The following CLDN10 variants were observed in gnomAD, a reference collection of about 807,000 sequenced individuals.
The protein encoded by CLDN10 is claudin-10.
CLDN10 carries 15 observed loss-of-function variants against 22.9 expected under a neutral mutation model. That is an observed-to-expected ratio of 0.65 (90% CI 0.44 to 1.01). CLDN10 has a LOEUF of 1.01. Ranked by LOEUF, CLDN10 falls within the 50% of genes least tolerant of loss-of-function variation. The pLI is 0.00. For synonymous variants in CLDN10, 114 were observed against 111.4 expected, an observed-to-expected ratio of 1.02 and a Z score of -0.15; for missense variants, 247 against 287.8, an observed-to-expected ratio of 0.86 and a Z score of 1.03.
chr13:95,481,059 C>T (rs919642777), intron 1 of CLDN10, among the ~76,000 whole-genome samples: 4 of 152,150 alleles, frequency 2.6e-5, no homozygotes, highest in African/African-American at 9.7e-5. Flanking sequence ...CACAGGCACT[C>T]TCCGTCCACC....
intron 1 of CLDN10, among the ~76,000 whole-genome samples, chr13:95,522,044 G>A (rs183614995): frequency 6.6e-6 from 1 of 151,758 alleles, no homozygotes; most frequent in African/African-American, 2.4e-5. Context: ...TGTTTGTGCT[G>A]CTTCTTTTCT....
At chr13:95,535,108 G>A (rs894349786) in intron 1 of CLDN10, among the ~76,000 whole-genome samples, 1 of 152,128 alleles carries the variant, frequency 6.6e-6, no homozygotes, top group Non-Finnish European at 1.5e-5. Flanking sequence ...TGCTTGCTAT[G>A]ATCCAGCAGA....
chr13:95,577,263 G>A lies in CLDN10; in HGVS notation c.497G>A (p.Trp166Ter), dbSNP rs1261101085. The A allele has an allele frequency of 1.9e-6, 3 of 1,613,908 alleles. No homozygotes were observed. Among genetic ancestry groups the A allele is most frequent in the Non-Finnish European group, 2.5e-6 (3 of 1,179,918 alleles). ...TTAGGAGCCGCTCTGTTTATTGGAT[G>A]GGCAGGAGCCTCACTGTGCATAATT... Reference protein sequence around the residue: ...YELGAALFIGWAGASLCIIGG... With the variant: ...YELGAALFIG The change falls in exon 4 of 5, where the codon TGG (tryptophan) becomes TAG (stop). Residue 166 changes from tryptophan to a stop codon, truncating the protein, a stop_gained. Coordinates refer to ENST00000299339, the MANE Select transcript of CLDN10 (RefSeq NM_006984.5). LOFTEE classifies it high-confidence loss of function.
chr13:95,477,716 T>C (rs541304492), intron 1 of CLDN10, among the ~76,000 whole-genome samples: 2 of 152,270 alleles, frequency 1.3e-5, no homozygotes, highest in South Asian at 4.1e-4. Context: ...CAGCAGCACC[T>C]GGGACTTAGA....
intron 1 of CLDN10, among the ~76,000 whole-genome samples, chr13:95,519,476 T>A (rs559077378): frequency 2.7e-4 from 41 of 152,230 alleles, no homozygotes; most frequent in Non-Finnish European, 4.6e-4. Flanking sequence ...TACAGTTAGC[T>A]AGAAGTTATA....
intron 1 of CLDN10, among the ~76,000 whole-genome samples, chr13:95,440,873 G>A (rs2042317945): frequency 6.6e-6 from 1 of 152,238 alleles, no homozygotes; most frequent in South Asian, 2.1e-4. Context: ...GATGGCGCTG[G>A]AGCGGTCAGA....
At chr13:95,444,052 T>C (rs1387458743) in intron 1 of CLDN10, among the ~76,000 whole-genome samples, 1 of 152,206 alleles carries the variant, frequency 6.6e-6, no homozygotes, top group Non-Finnish European at 1.5e-5. Context: ...GGTGAACATG[T>C]AGTGTAGAAA....
intron 1 of CLDN10, among the ~76,000 whole-genome samples, chr13:95,454,363 C>T (rs961025854): frequency 1.2e-4 from 19 of 152,064 alleles, no homozygotes; most frequent in African/African-American, 4.1e-4. Flanking sequence ...ATCACTTGAA[C>T]CTGGGAGGTG....
Position 95,560,712 on chromosome 13 carries a change from TTCA to T in CLDN10, c.464+252_464+254del, listed in dbSNP as rs141876655. 3.3e-3 allele frequency: 1,562 copies of T among 473,144 alleles called. 22 individuals are homozygous for T. Among genetic ancestry groups the T allele is most frequent in the African/African-American group, 0.028 (1,400 of 50,830 alleles). The allele number at this position is 473,144 out of a possible 1,614,324, so 29.3% of individuals were successfully genotyped here. On this transcript the variant is annotated intron_variant, in intron 3 of 4. Coordinates refer to ENST00000299339, the MANE Select transcript of CLDN10 (RefSeq NM_006984.5). ...AGGCATCAAATTTAGAACTATAAAC[TTCA>T]TCGTTTGCTGTACATCATGAAACTG...
chr13:95,541,804 ACAAACAATAACACTCC>A (rs750799573), intron 1 of CLDN10, among the ~76,000 whole-genome samples: 4 of 152,212 alleles, frequency 2.6e-5, no homozygotes, highest in Non-Finnish European at 4.4e-5. Flanking sequence ...ATGATTAAGA[ACAAACAATAACACTCC>A]CAAGGCTGAA....
chr13:95,454,290 A>C (rs766587930), intron 1 of CLDN10, among the ~76,000 whole-genome samples: 7 of 152,032 alleles, frequency 4.6e-5, no homozygotes, highest in Non-Finnish European at 8.8e-5. Flanking sequence ...AAAATACAAA[A>C]AGTAGCCAGG....
intron 1 of CLDN10, 44 bp from the exon 2 acceptor site, chr13:95,560,088 A>T: frequency 2.0e-6 from 3 of 1,534,482 alleles, no homozygotes; most frequent in Non-Finnish European, 2.7e-6. Flanking sequence ...CTCCCTGGAC[A>T]GCCACATGCT....
chr13:95,553,982 T>C (rs1176690115), intron 1 of CLDN10, among the ~76,000 whole-genome samples: 1 of 152,230 alleles, frequency 6.6e-6, no homozygotes, highest in Non-Finnish European at 1.5e-5. Context: ...AGGTGTTTTT[T>C]TCTTTTATTA....
chr13:95,438,626 C>T (rs1410005736), intron 1 of CLDN10, among the ~76,000 whole-genome samples: 3 of 152,206 alleles, frequency 2.0e-5, no homozygotes, highest in Admixed American at 1.3e-4. Context: ...GCCTTCTCTC[C>T]TCACTTTCCA....
chr13:95,575,555 G>C (rs2043913040), intron 3 of CLDN10, among the ~76,000 whole-genome samples: 1 of 151,996 alleles, frequency 6.6e-6, no homozygotes, highest in Non-Finnish European at 1.5e-5. Context: ...GATTTAGCCA[G>C]CTCTTTTTTC....
intron 1 of CLDN10, among the ~76,000 whole-genome samples, chr13:95,434,655 A>T (rs1374239789): frequency 4.0e-5 from 6 of 148,730 alleles, no homozygotes; most frequent in Non-Finnish European, 8.8e-5. Context: ...TAACACACAT[A>T]TATATGTAAT....
Position 95,466,876 on chromosome 13 carries a change from C to CTT in CLDN10, c.214+32846_214+32847dup, listed in dbSNP as rs1312550565. Among the ~76,000 whole-genome samples, 376 of 136,870 alleles carry CTT rather than the reference C, an allele frequency of 2.7e-3. 6 individuals carry two copies. Among genetic ancestry groups the CTT allele is most frequent in the African/African-American group, 9.4e-3 (345 of 36,798 alleles). The allele number at this position is 136,870 out of a possible 152,430, so 89.8% of individuals were successfully genotyped here. The stretch of plus-strand genomic sequence containing the variant: ...TTTTGTTTCCTCTATACCCCCTCTA[C>CTT]TTTTTTTTTTTTTTTTTTGAGACAG... On this transcript the variant is annotated intron_variant, in intron 1 of 4. Coordinates refer to the CLDN10 transcript ENST00000376873.
intron 1 of CLDN10, among the ~76,000 whole-genome samples, chr13:95,522,071 A>G (rs1183562812): frequency 6.6e-6 from 1 of 151,572 alleles, no homozygotes; most frequent in Non-Finnish European, 1.5e-5. Flanking sequence ...TTTTTTACTC[A>G]GTCTCACCAG....
chr13:95,481,013 T>C (rs2042741585), intron 1 of CLDN10, among the ~76,000 whole-genome samples: 1 of 152,138 alleles, frequency 6.6e-6, no homozygotes, highest in South Asian at 2.1e-4. Flanking sequence ...GGAACTTGCT[T>C]CTTGAGCAAG....
Sources: gnomAD v4.1 joint callset for allele counts (sites outside exome capture counted in the v4.1 genomes callset) on GRCh38, gnomAD v4.1.1 for gene constraint, MANE v1.5 for transcripts, NCBI Gene and HGNC (gene_info 2026-07-23, HGNC 2026-07-21) for gene names.